ARHGEF18: variants seen among roughly 807,000 people sequenced by gnomAD.
ARHGEF18 encodes the protein Rho/Rac guanine nucleotide exchange factor 18.
In ARHGEF18, 93 loss-of-function variants were observed where a neutral mutation model predicts 155.7. The observed-to-expected ratio is 0.60, with a 90% CI of 0.50 to 0.71. ARHGEF18 has a LOEUF of 0.71. Ranked by LOEUF, ARHGEF18 falls within the 30% of genes least tolerant of loss-of-function variation. ARHGEF18 has a pLI of 0.00. For synonymous variants in ARHGEF18, 742 were observed against 753.1 expected (o/e 0.99, Z 0.24); for missense variants, 1,593 against 1,816.1 (o/e 0.88, Z 2.23).
chr19:7,349,118 C>T lies in ARHGEF18; in HGVS notation c.-234C>T, dbSNP rs151010933. On this transcript the variant is annotated 5_prime_UTR_variant, in exon 1 of 29. Transcript: ENST00000668164. Reference sequence around the variant, plus strand: ...TGCTATTGGGTCATTCTGTGGTTATCCCAGGCTCTACCCAGCCAGCGGTTC... The same window carrying T: ...TGCTATTGGGTCATTCTGTGGTTATTCCAGGCTCTACCCAGCCAGCGGTTC... 6.6e-6 allele frequency: 1 copy of T among 152,268 alleles called. No homozygotes were observed. Among genetic ancestry groups the T allele is most frequent in the African/African-American group, 2.4e-5 (1 of 41,458 alleles). 9.4% of individuals were successfully genotyped at this position (152,268 alleles called of 1,614,324 possible). A position where few individuals can be genotyped will look rare whatever the true frequency, so the allele number is the denominator to read the frequency against.
At chr19:7,459,181 G>A (rs1225373977) in intron 19 of ARHGEF18, among the ~76,000 whole-genome samples, 2 of 152,008 alleles carry the variant, frequency 1.3e-5, no homozygotes. Flanking sequence ...GAGTAGCTGG[G>A]ATTACAGGCG....
chr19:7,477,553 C>T, the ARHGEF18 span: 1 of 845,772 alleles, frequency 1.2e-6, no homozygotes, highest in Non-Finnish European at 1.7e-6. Context: ...GTGGGAGGAG[C>T]TGGCAGGACT....
At chr19:7,364,402 A>AAGGAAGGAAGGAAGCC (rs36151895) in intron 2 of ARHGEF18, among the ~76,000 whole-genome samples, 1 of 129,648 alleles carries the variant, frequency 7.7e-6, no homozygotes. Context: ...GGAAGGAAGG[A>AAGGAAGGAAGGAAGCC]AGGCAGGCTG....
intron 10 of ARHGEF18, among the ~76,000 whole-genome samples, chr19:7,387,646 T>TC (rs1443979095): frequency 1.3e-5 from 2 of 152,074 alleles, no homozygotes; most frequent in Non-Finnish European, 2.9e-5. Flanking sequence ...TGTATCACCT[T>TC]CGGTGGTTCC....
At chr19:7,360,820 C>T (rs898466413) in intron 1 of ARHGEF18, among the ~76,000 whole-genome samples, 1 of 152,192 alleles carries the variant, frequency 6.6e-6, no homozygotes, top group African/African-American at 2.4e-5. Flanking sequence ...GTCATAGATG[C>T]TGCTTCGGCT....
intron 25 of ARHGEF18, 23 bp from the exon 26 acceptor site, chr19:7,467,191 C>T (rs759180549): frequency 1.9e-6 from 3 of 1,580,002 alleles, no homozygotes; most frequent in African/African-American, 2.7e-5. Flanking sequence ...GGCTCTCACT[C>T]GCCTGGCCCT....
intron 10 of ARHGEF18, among the ~76,000 whole-genome samples, chr19:7,434,516 A>G (rs1484631233): frequency 6.6e-6 from 1 of 152,146 alleles, no homozygotes; most frequent in Non-Finnish European, 1.5e-5. Flanking sequence ...GTGCTCACTA[A>G]TCGATCGCAC....
At chr19:7,439,926 C>A (rs1056576074) in intron 10 of ARHGEF18, 41 of 1,480,264 alleles carry the variant, frequency 2.8e-5, no homozygotes, top group Admixed American at 1.1e-4. Context: ...GCAAATACTG[C>A]AATTTCCACA....
At chr19:7,360,260 G>A (rs2145333636) in intron 1 of ARHGEF18, among the ~76,000 whole-genome samples, 1 of 148,836 alleles carries the variant, frequency 6.7e-6, no homozygotes, top group East Asian at 2.0e-4. Flanking sequence ...CTTTGAGACA[G>A]AGTCTCACTC....
intron 2 of ARHGEF18, among the ~76,000 whole-genome samples, chr19:7,363,198 T>C (rs1969703456): frequency 6.7e-6 from 1 of 150,072 alleles, no homozygotes; most frequent in African/African-American, 2.5e-5. Flanking sequence ...AAAGAGGAAA[T>C]CAAGGAAAGA....
chr19:7,459,857 G>C (rs11259996), intron 19 of ARHGEF18, 46 bp from the exon 20 acceptor site: 774,816 of 1,512,172 alleles, frequency 0.51, 200,306 homozygotes, highest in South Asian at 0.6. Context: ...GCCGAGGCTG[G>C]CCTGCCTGGG....
chr19:7,472,205 G>A lies in ARHGEF18; in HGVS notation c.*1907G>A, dbSNP rs530234656. On this transcript the variant is annotated 3_prime_UTR_variant, in exon 29 of 29. Transcript: ENST00000668164. Reference sequence around the variant, plus strand: ...GCCATGTGGCAGAGGGGTCTCAGTCGTGCTAGGCATCGGGCGGCAGCGCCG... The same window carrying A: ...GCCATGTGGCAGAGGGGTCTCAGTCATGCTAGGCATCGGGCGGCAGCGCCG... 8 of 152,420 alleles carry A rather than the reference G, an allele frequency of 5.2e-5. No homozygotes were observed. Among genetic ancestry groups the A allele is most frequent in the African/African-American group, 1.7e-4 (7 of 41,582 alleles). The allele number at this position is 152,420 out of a possible 1,614,324, so 9.4% of individuals were successfully genotyped here. A position where few individuals can be genotyped will look rare whatever the true frequency, so the allele number is the denominator to read the frequency against.
chr19:7,452,804 C>T (rs112618830), intron 16 of ARHGEF18, among the ~76,000 whole-genome samples: 4,339 of 151,430 alleles, frequency 0.029, 201 homozygotes, highest in African/African-American at 0.095. Context: ...GAGGAAAGTT[C>T]GTTTACCAAG....
chr19:7,408,975 G>A (rs112769926), intron 10 of ARHGEF18, among the ~76,000 whole-genome samples: 8,334 of 151,884 alleles, frequency 0.055, 291 homozygotes, highest in African/African-American at 0.097. Flanking sequence ...CAGGAAGATC[G>A]CTTGAGTCCA....
Position 7,453,542 on chromosome 19 carries a change from A to G in ARHGEF18, c.1931A>G (p.Lys644Arg). The change falls in exon 17 of 29, where the codon AAG becomes AGG. Residue 644 changes from lysine (K) to arginine (R), a missense_variant. Lys to Arg is a conservative substitution (Grantham distance 26). Coordinates refer to ENST00000668164, the MANE Select transcript of ARHGEF18 (RefSeq NM_001367823.1). ...IKDIISQVDA[K>R]VSECEKGQRL... ...GATATCATCTCACAAGTGGACGCCA[A>G]GGTCAGTGAGTGTGAGAAGGGCCAG... The G allele has an allele frequency of 6.2e-7, 1 of 1,614,116 alleles. No individual in the cohort carries two copies. Among genetic ancestry groups the G allele is most frequent in the Non-Finnish European group, 8.5e-7 (1 of 1,179,964 alleles).
At position 7,464,770 on chromosome 19, in the gene ARHGEF18, T is replaced by C; in HGVS notation, c.2904+80T>C. On this transcript the variant is annotated intron_variant, in intron 23 of 28. Coordinates refer to ENST00000668164, the MANE Select transcript of ARHGEF18 (RefSeq NM_001367823.1). Reference sequence around the variant, plus strand: ...GTGTGAGCAGCTTCTGCTGGGGTTGTCCAGTTTTAGTCTTATTAGCATCGA... The same window carrying C: ...GTGTGAGCAGCTTCTGCTGGGGTTGCCCAGTTTTAGTCTTATTAGCATCGA... 1.9e-6 allele frequency: 3 copies of C among 1,567,788 alleles called. No homozygotes were observed. The South Asian group carries it at 3.4e-5, about 18-fold the overall frequency.
chr19:7,478,494 C>T, the ARHGEF18 span: 2,103 of 1,063,008 alleles, frequency 2.0e-3, 52 homozygotes, highest in South Asian at 0.028. Context: ...AAACGGCCTG[C>T]CCTCTCCCTG....
At chr19:7,401,146 C>T (rs763623463) in intron 10 of ARHGEF18, among the ~76,000 whole-genome samples, 1 of 152,146 alleles carries the variant, frequency 6.6e-6, no homozygotes, top group Non-Finnish European at 1.5e-5. Context: ...GAATGTAGAG[C>T]AAAGGATTTC....
chr19:7,443,620 T>G (rs1341396957), intron 13 of ARHGEF18, among the ~76,000 whole-genome samples: 1 of 152,166 alleles, frequency 6.6e-6, no homozygotes, highest in South Asian at 2.1e-4. Flanking sequence ...AATTTCGACA[T>G]ACGAATTTTG....
Sources: allele counts gnomAD v4.1 joint callset (sites outside exome capture counted in the v4.1 genomes callset), GRCh38; gene constraint gnomAD v4.1.1; transcripts MANE v1.5; gene names NCBI Gene and HGNC (gene_info 2026-07-23, HGNC 2026-07-21).